Variants in PDE4D observed in about 807,000 individuals in gnomAD.
The protein encoded by PDE4D is phosphodiesterase 4D, also known as 3',5'-cyclic-AMP phosphodiesterase 4D.
A neutral mutation model predicts 87.4 loss-of-function variants in PDE4D; 24 were observed. The observed-to-expected ratio is 0.27, with a 90% confidence interval of 0.20 to 0.39. The LOEUF is 0.39. PDE4D is among the 10% of genes least tolerant of loss of function. The pLI is 1.00. For missense variants in PDE4D, 714 were observed against 1,041.0 expected, an observed-to-expected ratio of 0.69 and a Z score of 4.32; for synonymous variants, 384 against 383.2, an observed-to-expected ratio of 1.00 and a Z score of -0.02.
chr5:59,616,421 G>T (rs1829676543), intron 1 of PDE4D, among the ~76,000 whole-genome samples: 1 of 152,078 alleles, frequency 6.6e-6, no homozygotes, highest in South Asian at 2.1e-4. Context: ...TTTTGAAAAT[G>T]AGCCAAATAT....
intron 5 of PDE4D, among the ~76,000 whole-genome samples, chr5:59,076,488 T>C (rs1332511292): frequency 6.6e-6 from 1 of 151,960 alleles, no homozygotes; most frequent in African/African-American, 2.4e-5. Flanking sequence ...ACAATGAAAA[T>C]GTGGAATGTG....
rs548720332 is a variant in PDE4D, at chr5:60,104,339, C to T, written c.42+81218G>A. On this transcript the variant is annotated intron_variant, in intron 2 of 16. Coordinates refer to the PDE4D transcript ENST00000502484. ...GCCCACCATTGCCCAGGCTTGCTTA[C>T]GTAAACAAAGCAGCCAGGAAGCTCA... is the stretch of plus-strand genomic sequence containing the variant. Among the ~76,000 whole-genome samples the T allele has an allele frequency of 4.6e-5, 7 of 152,328 alleles. No individual in the cohort carries two copies. In the East Asian group the frequency reaches 5.8e-4, roughly 13 times the overall value.
In PDE4D at chr5:60,006,219, A is replaced by G. The variant is rs145625251; in HGVS notation, c.43-17502T>C. Among the ~76,000 whole-genome samples the G allele has an allele frequency of 6.7e-3, 1,023 of 152,072 alleles. 5 individuals are homozygous for G. The highest frequency in any genetic ancestry group is 0.023 in the African/African-American group (974 of 41,552). On this transcript the variant is annotated intron_variant, in intron 2 of 16. Transcript: ENST00000502484. Reference sequence around the variant, plus strand: ...GAATTGTTAAAACTGGGTGATGAGTATTTAAGATGCATTATATTAGGTTGG... The same window carrying G: ...GAATTGTTAAAACTGGGTGATGAGTGTTTAAGATGCATTATATTAGGTTGG...
At chr5:60,269,920 A>C (rs1750637399) in intron 1 of PDE4D, among the ~76,000 whole-genome samples, 1 of 152,202 alleles carries the variant, frequency 6.6e-6, no homozygotes, top group African/African-American at 2.4e-5. Flanking sequence ...AGATGAATTG[A>C]AATGGGGAAG....
intron 1 of PDE4D, among the ~76,000 whole-genome samples, chr5:59,267,079 A>C (rs1762972614): frequency 6.6e-6 from 1 of 152,068 alleles, no homozygotes; most frequent in South Asian, 2.1e-4. Flanking sequence ...ATGACTATAG[A>C]CCTAGAAGCT....
chr5:59,486,846 A>G (rs757484702), intron 1 of PDE4D, among the ~76,000 whole-genome samples: 5 of 152,216 alleles, frequency 3.3e-5, no homozygotes, highest in Admixed American at 2.6e-4. Flanking sequence ...GTTTTTATTA[A>G]GCATTTATTG....
chr5:59,927,000 A>G (rs568335241), intron 3 of PDE4D, among the ~76,000 whole-genome samples: 14 of 152,342 alleles, frequency 9.2e-5, no homozygotes, highest in Admixed American at 8.5e-4. Flanking sequence ...AGGAGAGAAT[A>G]CTTCCAAACA....
intron 3 of PDE4D, among the ~76,000 whole-genome samples, chr5:59,928,955 A>G (rs1013391543): frequency 1.1e-4 from 17 of 151,592 alleles, no homozygotes; most frequent in African/African-American, 4.1e-4. Flanking sequence ...TCCCCAAATC[A>G]GAGCAAAGTC....
chr5:60,312,354 G>C (rs369427148), intron 1 of PDE4D, among the ~76,000 whole-genome samples: 1 of 152,250 alleles, frequency 6.6e-6, no homozygotes, highest in Admixed American at 6.5e-5. Context: ...CACACTTTCA[G>C]ACCACAGCTT....
chr5:59,314,092 G>A (rs541241979), intron 1 of PDE4D: 12 of 152,234 alleles, frequency 7.9e-5, no homozygotes, highest in African/African-American at 1.2e-4. Flanking sequence ...TATTCATGGT[G>A]GGATTGCTTA....
At chr5:59,927,847 C>CA (rs1755461502) in intron 3 of PDE4D, among the ~76,000 whole-genome samples, 1 of 152,210 alleles carries the variant, frequency 6.6e-6, no homozygotes, top group Non-Finnish European at 1.5e-5. Context: ...TAGTTGTTCA[C>CA]TACTTGAATA....
intron 1 of PDE4D, among the ~76,000 whole-genome samples, chr5:60,297,351 A>G (rs965972511): frequency 3.3e-5 from 5 of 152,210 alleles, no homozygotes; most frequent in African/African-American, 4.8e-5. Context: ...AATGAAAGCT[A>G]CAAATATGGA....
At chr5:59,194,505 G>A (rs1356336717) in intron 2 of PDE4D, among the ~76,000 whole-genome samples, 1 of 152,148 alleles carries the variant, frequency 6.6e-6, no homozygotes. Flanking sequence ...GGGAGCATAT[G>A]GATGATGTTA....
At chr5:60,297,927 G>A (rs1045871311) in intron 1 of PDE4D, among the ~76,000 whole-genome samples, 1 of 152,172 alleles carries the variant, frequency 6.6e-6, no homozygotes, top group Non-Finnish European at 1.5e-5. Flanking sequence ...TTATGGATGT[G>A]ATTAACAAAC....
At chr5:59,928,723 C>T (rs1285496864) in intron 3 of PDE4D, among the ~76,000 whole-genome samples, 3 of 151,978 alleles carry the variant, frequency 2.0e-5, no homozygotes, top group African/African-American at 7.3e-5. Flanking sequence ...TGTCCTACTC[C>T]TGGGACTACC....
At chr5:59,749,367 G>C (rs1960603) in intron 1 of PDE4D, among the ~76,000 whole-genome samples, 29,102 of 152,042 alleles carry the variant, frequency 0.19, 3,321 homozygotes, top group Middle Eastern at 0.35. Flanking sequence ...TTCAAGTGAT[G>C]ATTCTCCTGC....
chr5:59,428,322 C>T (rs146532723), intron 1 of PDE4D, among the ~76,000 whole-genome samples: 1 of 151,894 alleles, frequency 6.6e-6, no homozygotes. Context: ...TTTTTTTTAT[C>T]TTTTATTTTT....
intron 2 of PDE4D, among the ~76,000 whole-genome samples, chr5:60,172,881 T>C (rs1271744707): frequency 6.6e-6 from 1 of 152,116 alleles, no homozygotes; most frequent in East Asian, 1.9e-4. Flanking sequence ...AAAATCCTAA[T>C]ACTTTATTAT....
At chr5:60,366,705 T>C (rs1486671061) in intron 1 of PDE4D, among the ~76,000 whole-genome samples, 1 of 152,210 alleles carries the variant, frequency 6.6e-6, no homozygotes, top group African/African-American at 2.4e-5. Context: ...GCTGCCGTTC[T>C]GCACTTACTC....
Sources: gnomAD v4.1 joint callset for allele counts (sites outside exome capture counted in the v4.1 genomes callset) on GRCh38, gnomAD v4.1.1 for gene constraint, MANE v1.5 for transcripts, NCBI Gene and HGNC (gene_info 2026-07-23, HGNC 2026-07-21) for gene names.